The following CFAP97 variants were observed in gnomAD, a reference collection of about 807,000 sequenced individuals.
CFAP97 encodes the protein cilia- and flagella-associated protein 97.
In CFAP97, 36 loss-of-function variants were observed where a neutral mutation model predicts 43.1. That is an observed-to-expected ratio of 0.84 (90% CI 0.64 to 1.10). The LOEUF (loss-of-function observed/expected upper bound fraction) is 1.10. Among genes scored for constraint, CFAP97 ranks in the 50% least tolerant of loss-of-function variants. CFAP97 has a pLI of 0.00. For missense variants in CFAP97, 657 were observed against 620.3 expected (o/e 1.06, Z -0.63); for synonymous variants, 228 against 225.7 (o/e 1.01, Z -0.09).
At position 185,209,375 on chromosome 4, in the gene CFAP97, T is replaced by C. The variant is rs1021170065; in HGVS notation, c.-124A>G. 8 of 152,398 alleles carry C rather than the reference T, an allele frequency of 5.2e-5. No individual in the cohort carries two copies. Among genetic ancestry groups the C allele is most frequent in the Non-Finnish European group, 1.2e-4 (8 of 68,160 alleles). The allele number at this position is 152,398 out of a possible 1,614,324, so 9.4% of individuals were successfully genotyped here. On this transcript the variant is annotated 5_prime_UTR_variant, in exon 1 of 3. Coordinates refer to the CFAP97 transcript ENST00000503223. The surrounding 1 kb of genome is among the most constrained non-coding windows in gnomAD (Gnocchi z 5.2). ...CTGACACCTGCAGCAAAATTTTCCA[T>C]GAACAGACGGCATCCTGTAGAGGAG... is the stretch of plus-strand genomic sequence containing the variant.
chr4:185,204,199 G>C (rs1737080781), upstream of CFAP97: 1 of 152,182 alleles, frequency 6.6e-6, no homozygotes, highest in African/African-American at 2.4e-5. Flanking sequence ...AGGCGGTCCA[G>C]CCCGCGTGGT....
intron 3 of CFAP97, among the ~76,000 whole-genome samples, chr4:185,166,638 C>T (rs563829808): frequency 5.3e-5 from 8 of 152,174 alleles, no homozygotes; most frequent in African/African-American, 1.7e-4. Flanking sequence ...AAAAAGTAAA[C>T]CCATTCTGGA....
upstream of CFAP97, among the ~76,000 whole-genome samples, chr4:185,209,663 G>C (rs547514113): frequency 3.8e-4 from 58 of 151,620 alleles, no homozygotes; most frequent in African/African-American, 1.4e-3. This position sits in a 1 kb window ranked among gnomAD's most constrained non-coding sequence, Gnocchi z 5.2. Context: ...GCGCCTGGTG[G>C]CGGCGCTGAG....
chr4:185,169,774 C>G (rs188537367), intron 3 of CFAP97: 1 of 985,286 alleles, frequency 1.0e-6, no homozygotes, highest in African/African-American at 1.7e-5. Context: ...AACTGTCCCC[C>G]ACACAGGCAG....
At chr4:185,194,264 G>A (rs1166916906) in intron 1 of CFAP97, among the ~76,000 whole-genome samples, 5 of 152,308 alleles carry the variant, frequency 3.3e-5, no homozygotes, top group Admixed American at 3.3e-4. Context: ...CGAGGCGGGT[G>A]GATCACCTGA....
chr4:185,170,249 G>C lies in CFAP97; in HGVS notation c.1320+5537C>G, dbSNP rs1475480144. ...TAGTTCCAGTTACTTGGGAGGCCGA[G>C]GCAGGAGAATCACTTGAACCCAGGA... On this transcript the variant is annotated intron_variant, in intron 3 of 4. Coordinates refer to ENST00000458385, the MANE Select transcript of CFAP97 (RefSeq NM_020827.3). The C allele has an allele frequency of 2.2e-5, 14 of 651,102 alleles. 1 individual carries two copies. The South Asian group carries it at 2.2e-4, about 10-fold the overall frequency. The allele number at this position is 651,102 out of a possible 1,614,324, so 40.3% of individuals were successfully genotyped here.
At chr4:185,204,354 G>A (rs1404119426), upstream of CFAP97, 1 of 152,220 alleles carries the variant, frequency 6.6e-6, no homozygotes, top group African/African-American at 2.4e-5. Flanking sequence ...AAAGAACGGC[G>A]GCTGTGTGTT....
At chr4:185,197,372 G>A (rs894979886) in intron 1 of CFAP97, among the ~76,000 whole-genome samples, 3 of 151,758 alleles carry the variant, frequency 2.0e-5, no homozygotes, top group African/African-American at 7.3e-5. Context: ...CTATTACACT[G>A]AATGTCTCTG....
At position 185,162,690 on chromosome 4, in the gene CFAP97, C is replaced by A; in HGVS notation, c.*108G>T. On this transcript the variant is annotated 3_prime_UTR_variant, in exon 5 of 5. Coordinates refer to ENST00000458385, the MANE Select transcript of CFAP97 (RefSeq NM_020827.3). ...TACATTACAACTCACTGTTGTACACCTTCAATTGCTAAAACGGTATTCTAG... is the reference window on the plus strand; with the variant it reads ...TACATTACAACTCACTGTTGTACACATTCAATTGCTAAAACGGTATTCTAG... The A allele has an allele frequency of 8.3e-7, 1 of 1,211,948 alleles. No individual in the cohort carries two copies. The highest frequency in any genetic ancestry group is 1.2e-6 in the Non-Finnish European group (1 of 852,814). 75.1% of individuals were successfully genotyped at this position (1,211,948 alleles called of 1,614,324 possible). A position where few individuals can be genotyped will look rare whatever the true frequency, so the allele number is the denominator to read the frequency against.
intron 1 of CFAP97, among the ~76,000 whole-genome samples, chr4:185,201,869 T>G (rs1364717442): frequency 6.6e-6 from 1 of 152,200 alleles, no homozygotes; most frequent in Non-Finnish European, 1.5e-5. Flanking sequence ...CTCCACAGTT[T>G]ATCATCTTTT....
chr4:185,187,596 C>T (rs1163999527), intron 2 of CFAP97, among the ~76,000 whole-genome samples: 3 of 151,984 alleles, frequency 2.0e-5, no homozygotes, highest in Admixed American at 1.3e-4. Flanking sequence ...AATGCAAGTG[C>T]CTCACCAACG....
At chr4:185,172,663 T>C (rs1430081275) in intron 3 of CFAP97, among the ~76,000 whole-genome samples, 1 of 152,176 alleles carries the variant, frequency 6.6e-6, no homozygotes, top group Non-Finnish European at 1.5e-5. Flanking sequence ...AGTGTGTCTC[T>C]GTGTGCTGAA....
chr4:185,185,143 C>G (rs1165095297), intron 2 of CFAP97, among the ~76,000 whole-genome samples: 8 of 152,226 alleles, frequency 5.3e-5, no homozygotes, highest in South Asian at 4.2e-4. Flanking sequence ...AAACAATAGG[C>G]TGCAACTTTT....
Position 185,192,733 on chromosome 4 carries a change from C to CTTTTTTTT in CFAP97, c.-16-1529_-16-1522dup, listed in dbSNP as rs760026667. The stretch of plus-strand genomic sequence containing the variant: ...CCTTCTTAAGATCAGAATTGACCTT[C>CTTTTTTTT]TTTTTTTTTTTTTTTTTTTTTTTTT... On this transcript the variant is annotated intron_variant, in intron 1 of 4. Coordinates refer to ENST00000458385, the MANE Select transcript of CFAP97 (RefSeq NM_020827.3). Among the ~76,000 whole-genome samples the CTTTTTTTT allele has an allele frequency of 3.7e-4, 30 of 81,416 alleles. 1 individual carries two copies. The highest frequency in any genetic ancestry group is 1.1e-3 in the African/African-American group (21 of 18,350). 53.4% of individuals were successfully genotyped at this position (81,416 alleles called of 152,430 possible).
chr4:185,184,969 G>A (rs1735952125), intron 2 of CFAP97, among the ~76,000 whole-genome samples: 1 of 152,066 alleles, frequency 6.6e-6, no homozygotes, highest in Non-Finnish European at 1.5e-5. Context: ...TTTAAAAAAC[G>A]GAAGTGTCCC....
rs778134059 is a variant in CFAP97, at chr4:185,190,926, AACTTAC to A, written c.265_270del (p.Val89_Ser90del). On this transcript the variant is annotated inframe_deletion, in exon 2 of 5. Coordinates refer to ENST00000458385, the MANE Select transcript of CFAP97 (RefSeq NM_020827.3). ...CTTGAAGAGGCTGGCAATGAGAAAG[AACTTAC>A]AGTTTGTGTAACATCATTCTCTACG... 1.2e-5 allele frequency: 20 copies of A among 1,613,816 alleles called. No homozygotes were observed. The Admixed American group carries it at 1.5e-4, about 12-fold the overall frequency.
At chr4:185,207,604 C>T (rs1435872569), upstream of CFAP97, 1 of 151,990 alleles carries the variant, frequency 6.6e-6, no homozygotes, top group Non-Finnish European at 1.5e-5. Context: ...ATGAGTAAAT[C>T]AGAGAATTCT....
Position 185,203,977 on chromosome 4 carries a change from GC to G in CFAP97, c.-97del, listed in dbSNP as rs1403019979. On this transcript the variant is annotated 5_prime_UTR_variant, in exon 1 of 5. Coordinates refer to ENST00000458385, the MANE Select transcript of CFAP97 (RefSeq NM_020827.3). ...CCTGAACGGGCTCCCGGCGCCGCGC[GC>G]CCGCGCTTCCGGAGGCGGAGAGAGC... is the stretch of plus-strand genomic sequence containing the variant. 1 of 151,340 alleles carries G rather than the reference GC, an allele frequency of 6.6e-6. No homozygotes were observed. Among genetic ancestry groups the G allele is most frequent in the Non-Finnish European group, 1.5e-5 (1 of 67,816 alleles). 9.4% of individuals were successfully genotyped at this position (151,340 alleles called of 1,614,324 possible).
At chr4:185,194,290 A>C (rs1336501206) in intron 1 of CFAP97, among the ~76,000 whole-genome samples, 6 of 152,152 alleles carry the variant, frequency 3.9e-5, no homozygotes, top group African/African-American at 1.4e-4. Context: ...GGAGTTCGAG[A>C]CCAGCCCGGT....
Sources: gnomAD v4.1 joint callset for allele counts (sites outside exome capture counted in the v4.1 genomes callset) on GRCh38, gnomAD v4.1.1 for gene constraint, Gnocchi (gnomAD v3.1) non-coding constraint, MANE v1.5 for transcripts, NCBI Gene and HGNC (gene_info 2026-07-23, HGNC 2026-07-21) for gene names.